RGS21: variants seen among roughly 807,000 people sequenced by gnomAD.
RGS21 encodes regulator of G-protein signalling 21.
RGS21 carries 19 observed loss-of-function variants against 18.7 expected under a neutral mutation model. That is an observed-to-expected ratio of 1.01 (90% CI 0.71 to 1.49). RGS21 has a LOEUF of 1.49. RGS21 is among the 40% of genes most tolerant of loss of function. The pLI is 0.00. For missense variants in RGS21, 194 were observed against 176.8 expected (o/e 1.10, Z -0.55); for synonymous variants, 56 against 57.8 (o/e 0.97, Z 0.14).
chr1:192,333,269 T>TACACACACACAC (rs137948736), intron 1 of RGS21, among the ~76,000 whole-genome samples: 9,400 of 142,864 alleles, frequency 0.066, 361 homozygotes, highest in African/African-American at 0.084. Flanking sequence ...GTTTCTTAAA[T>TACACACACACAC]ACACACACAC....
At chr1:192,353,003 C>T (rs1659065197) in intron 4 of RGS21, among the ~76,000 whole-genome samples, 1 of 152,004 alleles carries the variant, frequency 6.6e-6, no homozygotes. Flanking sequence ...AAGTAACCTA[C>T]AAACAGGAAG....
intron 1 of RGS21, among the ~76,000 whole-genome samples, chr1:192,340,634 T>C (rs1353076895): frequency 6.6e-6 from 1 of 152,094 alleles, no homozygotes; most frequent in Admixed American, 6.6e-5. Context: ...CCAGGGGACA[T>C]GTATTAGTCT....
At chr1:192,326,675 T>C (rs1172821008) in intron 1 of RGS21, among the ~76,000 whole-genome samples, 3 of 152,160 alleles carry the variant, frequency 2.0e-5, no homozygotes, top group African/African-American at 7.2e-5. Context: ...AGAGTCCTGT[T>C]GAAACAAAAG....
At chr1:192,334,760 A>G (rs1249802837) in intron 1 of RGS21, among the ~76,000 whole-genome samples, 1 of 152,154 alleles carries the variant, frequency 6.6e-6, no homozygotes. Context: ...AATAAACAGC[A>G]TGAAGCATGT....
intron 4 of RGS21, among the ~76,000 whole-genome samples, chr1:192,362,894 G>T (rs1225751317): frequency 6.6e-6 from 1 of 151,978 alleles, no homozygotes; most frequent in Admixed American, 6.6e-5. Flanking sequence ...AGTGTGCAAG[G>T]CATACTAAAG....
chr1:192,351,724 A>G (rs1450637150), intron 3 of RGS21, among the ~76,000 whole-genome samples: 1 of 147,878 alleles, frequency 6.8e-6, no homozygotes, highest in Non-Finnish European at 1.5e-5. Flanking sequence ...TATAACACAT[A>G]TAATATATAT....
At chr1:192,322,435 T>C (rs1658510097) in intron 1 of RGS21, among the ~76,000 whole-genome samples, 1 of 152,102 alleles carries the variant, frequency 6.6e-6, no homozygotes, top group South Asian at 2.1e-4. Context: ...TAAGCTTTCA[T>C]TTACTTCCAC....
At chr1:192,344,526 A>G (rs998280369) in intron 2 of RGS21, among the ~76,000 whole-genome samples, 3 of 152,110 alleles carry the variant, frequency 2.0e-5, no homozygotes, top group African/African-American at 7.2e-5. Flanking sequence ...CATTGTAAAC[A>G]TCCAATACAT....
At chr1:192,342,678 T>C (rs1048861967) in intron 1 of RGS21, among the ~76,000 whole-genome samples, 2 of 151,674 alleles carry the variant, frequency 1.3e-5, no homozygotes, top group East Asian at 3.9e-4. Flanking sequence ...AATATGTATA[T>C]CATTATATAT....
chr1:192,342,438 A>G (rs1658884206), intron 1 of RGS21, among the ~76,000 whole-genome samples: 1 of 152,038 alleles, frequency 6.6e-6, no homozygotes, highest in South Asian at 2.1e-4. Context: ...ATTAAGCAAT[A>G]AAAACTGCAT....
At chr1:192,364,131 A>G (rs1659223218) in intron 4 of RGS21, among the ~76,000 whole-genome samples, 1 of 152,144 alleles carries the variant, frequency 6.6e-6, no homozygotes, top group Non-Finnish European at 1.5e-5. Context: ...TGTAAGTGTT[A>G]GAGGACAGAC....
Position 192,343,005 on chromosome 1 carries a change from G to C in RGS21, c.-32G>C, listed in dbSNP as rs548848677. 1 of 1,611,110 alleles carries C rather than the reference G, an allele frequency of 6.2e-7. No homozygotes were observed. Among genetic ancestry groups the C allele is most frequent in the Non-Finnish European group, 8.5e-7 (1 of 1,177,610 alleles). Reference sequence around the variant, plus strand: ...GAAGATCAGTCAGAAAGAGAAACTCGGCATCATCTGTGACAGACAGTGGAA... The same window carrying C: ...GAAGATCAGTCAGAAAGAGAAACTCCGCATCATCTGTGACAGACAGTGGAA... On this transcript the variant is annotated 5_prime_UTR_variant, in exon 2 of 5. Transcript: ENST00000417209.
At chr1:192,344,498 G>A (rs991242580) in intron 2 of RGS21, among the ~76,000 whole-genome samples, 4 of 151,988 alleles carry the variant, frequency 2.6e-5, no homozygotes, top group East Asian at 1.9e-4. Flanking sequence ...TATGATATGC[G>A]TAGCACAATG....
chr1:192,320,828 G>A (rs773527546), intron 1 of RGS21, among the ~76,000 whole-genome samples: 1 of 151,936 alleles, frequency 6.6e-6, no homozygotes, highest in African/African-American at 2.4e-5. Flanking sequence ...CAGCTTGGCT[G>A]ACCTTAAGTT....
intron 1 of RGS21, among the ~76,000 whole-genome samples, chr1:192,336,783 A>G (rs969382732): frequency 6.6e-6 from 1 of 152,186 alleles, no homozygotes; most frequent in African/African-American, 2.4e-5. Flanking sequence ...GGGTTAAAAA[A>G]AAATGATATG....
At chr1:192,334,869 G>A (rs1327287198) in intron 1 of RGS21, among the ~76,000 whole-genome samples, 1 of 151,912 alleles carries the variant, frequency 6.6e-6, no homozygotes, top group Admixed American at 6.6e-5. Context: ...GGGTTGACAC[G>A]TCTTTTAAAA....
At chr1:192,318,443 C>A (rs1055033485) in intron 1 of RGS21, among the ~76,000 whole-genome samples, 1 of 152,104 alleles carries the variant, frequency 6.6e-6, no homozygotes, top group Non-Finnish European at 1.5e-5. Flanking sequence ...TAGACTCTAT[C>A]CCTCCCAGAA....
chr1:192,321,979 A>C (rs1467643486), intron 1 of RGS21, among the ~76,000 whole-genome samples: 5 of 152,298 alleles, frequency 3.3e-5, no homozygotes, highest in Non-Finnish European at 7.4e-5. Context: ...TCATTTTTAA[A>C]AAGTAATTTG....
intron 1 of RGS21, among the ~76,000 whole-genome samples, chr1:192,324,920 A>G (rs981686895): frequency 6.6e-6 from 1 of 152,100 alleles, no homozygotes; most frequent in Non-Finnish European, 1.5e-5. Context: ...AGAAGGCTGG[A>G]AAGGTGAGAC....
Sources: allele counts gnomAD v4.1 joint callset (sites outside exome capture counted in the v4.1 genomes callset), GRCh38; gene constraint gnomAD v4.1.1; transcripts MANE v1.5; gene names NCBI Gene and HGNC (gene_info 2026-07-23, HGNC 2026-07-21).